Variants in ZFR2 observed in about 807,000 individuals in gnomAD.
ZFR2 encodes zinc finger RNA binding protein 2.
A neutral mutation model predicts 105.7 loss-of-function variants in ZFR2; 104 were observed. That is an observed-to-expected ratio of 0.98 (90% CI 0.84 to 1.16). The LOEUF (loss-of-function observed/expected upper bound fraction) is 1.16, where lower values mean the gene tolerates loss of function less well. Among genes scored for constraint, ZFR2 ranks in the 50% most tolerant of loss-of-function variants. The pLI is 0.00. For missense variants in ZFR2, 1,425 were observed against 1,355.5 expected, an observed-to-expected ratio of 1.05 and a Z score of -0.80; for synonymous variants, 634 against 597.7, an observed-to-expected ratio of 1.06 and a Z score of -0.89.
intron 1 of ZFR2, among the ~76,000 whole-genome samples, chr19:3,868,159 C>G (rs1290822430): frequency 6.6e-6 from 1 of 150,828 alleles, no homozygotes; most frequent in Non-Finnish European, 1.5e-5. Flanking sequence ...TAGCTCTCCC[C>G]CTGTCCAGCC....
At chr19:3,865,750 G>A (rs1309537904) in intron 1 of ZFR2, among the ~76,000 whole-genome samples, 2 of 152,194 alleles carry the variant, frequency 1.3e-5, no homozygotes, top group Admixed American at 1.3e-4. Context: ...AACAGGTGTT[G>A]TAAATACTGC....
chr19:3,846,268 C>T (rs536496788), intron 1 of ZFR2, among the ~76,000 whole-genome samples: 1 of 152,254 alleles, frequency 6.6e-6, no homozygotes, highest in African/African-American at 2.4e-5. Flanking sequence ...TGAGCCACTG[C>T]ACCTGGCCCA....
chr19:3,816,723 G>C lies in ZFR2; in HGVS notation c.2054C>G (p.Thr685Arg). The change falls in exon 13 of 19, where the codon ACG becomes AGG. Residue 685 changes from threonine to arginine, a missense_variant. Thr to Arg is a moderately conservative substitution (Grantham distance 71). Transcript: ENST00000262961. ...GGCGATCCTCCGCAGCAGGCTGTGC[G>C]TGGGCTTCTCGGAGCAGAGCAGAGC... ...RLALLCSEKP[T>R]HSLLRRIAQQ... 8 of 1,612,500 alleles carry C rather than the reference G, an allele frequency of 5.0e-6. No individual in the cohort carries two copies. The highest frequency in any genetic ancestry group is 6.8e-6 in the Non-Finnish European group (8 of 1,179,658).
intron 13 of ZFR2, 137 bp downstream of exon 13, chr19:3,816,537 C>A (rs971520943): frequency 3.0e-6 from 4 of 1,339,368 alleles, no homozygotes; most frequent in Non-Finnish European, 3.9e-6. Flanking sequence ...TGAGCCACTG[C>A]GCCTGGCTTA....
rs192868602 is a variant in ZFR2 at position 3,833,874 on chromosome 19, A to G, written c.265-96T>C. On this transcript the variant is annotated intron_variant, in intron 2 of 18. Transcript: ENST00000262961. Reference sequence around the variant, plus strand: ...CCCTGCCACACTGCACTCTGCACTTAGTCCTTCCTGCAGCGCTGGCTCCTA... The same window carrying G: ...CCCTGCCACACTGCACTCTGCACTTGGTCCTTCCTGCAGCGCTGGCTCCTA... 4.5e-4 allele frequency: 418 copies of G among 937,818 alleles called. 8 individuals carry two copies. In the East Asian group the frequency reaches 6.6e-3, roughly 15 times the overall value. The allele number at this position is 937,818 out of a possible 1,614,324, so 58.1% of individuals were successfully genotyped here. A position where few individuals can be genotyped will look rare whatever the true frequency, so the allele number is the denominator to read the frequency against.
chr19:3,806,560 G>A (rs558440754), intron 18 of ZFR2, among the ~76,000 whole-genome samples: 7 of 152,280 alleles, frequency 4.6e-5, no homozygotes, highest in African/African-American at 1.7e-4. Flanking sequence ...CGGCCCGGCC[G>A]ACACCGCTTC....
intron 8 of ZFR2, among the ~76,000 whole-genome samples, chr19:3,822,817 G>GCTGGCAGACCTGGCC (rs913918643): frequency 6.6e-6 from 1 of 152,212 alleles, no homozygotes; most frequent in African/African-American, 2.4e-5. Context: ...TGGCCTGGGA[G>GCTGGCAGACCTGGCC]CTGGCAGACC....
At position 3,836,355 on chromosome 19, in the gene ZFR2, C is replaced by T. The variant is rs556117901; in HGVS notation, c.54-1372G>A. On this transcript the variant is annotated intron_variant, in intron 1 of 18. Coordinates refer to ENST00000262961, the MANE Select transcript of ZFR2 (RefSeq NM_015174.2). ...AAAATTTGTTTTTGAGAAAGGGTCT[C>T]GCTCTGTCACCCAGGTTGAAGTTCA... Among the ~76,000 whole-genome samples the T allele has an allele frequency of 7.9e-5, 12 of 152,234 alleles. No homozygotes were observed. The South Asian group carries it at 2.5e-3, about 32-fold the overall frequency.
At chr19:3,867,088 G>GA (rs1295776428) in intron 1 of ZFR2, among the ~76,000 whole-genome samples, 1 of 152,170 alleles carries the variant, frequency 6.6e-6, no homozygotes, top group Non-Finnish European at 1.5e-5. Context: ...GCGGGAAGCT[G>GA]AAACACCAGC....
intron 16 of ZFR2, among the ~76,000 whole-genome samples, chr19:3,810,181 C>T (rs560438151): frequency 4.5e-4 from 68 of 152,142 alleles, no homozygotes; most frequent in Non-Finnish European, 8.8e-4. Context: ...GGGGGGAGGC[C>T]GGGTGTGGAT....
At chr19:3,845,666 G>T (rs537152658) in intron 1 of ZFR2, among the ~76,000 whole-genome samples, 1 of 151,338 alleles carries the variant, frequency 6.6e-6, no homozygotes, top group Non-Finnish European at 1.5e-5. Context: ...GTGGTGGTGT[G>T]CACCTGTAGT....
chr19:3,813,568 T>C lies in ZFR2; in HGVS notation c.2242+252A>G, dbSNP rs1295083038. On this transcript the variant is annotated intron_variant, in intron 14 of 18. Transcript: ENST00000262961. This position sits in a 1 kb window ranked among gnomAD's most constrained non-coding sequence, Gnocchi z 4.4. ...GGCAAGGGAGGTGACACGGTGTCGCTTGCCCGAGCAAGGCCCCTGCAGCCA... is the reference window on the plus strand; with the variant it reads ...GGCAAGGGAGGTGACACGGTGTCGCCTGCCCGAGCAAGGCCCCTGCAGCCA... 1.3e-5 allele frequency among the ~76,000 whole-genome samples: 2 copies of C among 152,170 alleles called. No homozygotes were observed. Among genetic ancestry groups the C allele is most frequent in the Non-Finnish European group, 2.9e-5 (2 of 68,028 alleles).
chr19:3,852,571 G>A, intron 1 of ZFR2: 1 of 718,640 alleles, frequency 1.4e-6, no homozygotes, highest in Non-Finnish European at 2.6e-6. Context: ...AGGGCACAAG[G>A]AAGCCCAGAT....
At chr19:3,867,101 G>C (rs1203392089) in intron 1 of ZFR2, among the ~76,000 whole-genome samples, 1 of 152,022 alleles carries the variant, frequency 6.6e-6, no homozygotes, top group African/African-American at 2.4e-5. Context: ...ACACCAGCCT[G>C]GATCTCTCTT....
intron 13 of ZFR2, among the ~76,000 whole-genome samples, chr19:3,815,946 G>A (rs1371024862): frequency 4.0e-5 from 6 of 151,592 alleles, no homozygotes; most frequent in Non-Finnish European, 5.9e-5. Flanking sequence ...TAGTAGAGAC[G>A]GGGTTTCACC....
Position 3,813,774 on chromosome 19 carries a change from G to T in ZFR2, c.2242+46C>A. 6.2e-7 allele frequency: 1 copy of T among 1,606,976 alleles called. No individual in the cohort carries two copies. Among genetic ancestry groups the T allele is most frequent in the Admixed American group, 1.7e-5 (1 of 59,662 alleles). On this transcript the variant is annotated intron_variant, in intron 14 of 18. Coordinates refer to ENST00000262961, the MANE Select transcript of ZFR2 (RefSeq NM_015174.2). The surrounding 1 kb of genome is among the most constrained non-coding windows in gnomAD (Gnocchi z 4.4). ...GGCCTGGGTGTGGGGAGCGCCCTGG[G>T]GAAGCGTGAGGGGGACAGTGGTTGG...
At chr19:3,832,762 G>T (rs1385676701) in intron 3 of ZFR2, among the ~76,000 whole-genome samples, 1 of 151,672 alleles carries the variant, frequency 6.6e-6, no homozygotes, top group Non-Finnish European at 1.5e-5. Context: ...CAGCCTCCTG[G>T]GTAGCTGGGA....
In ZFR2 at chr19:3,807,235, GTC is replaced by G. The variant is rs1212115843; in HGVS notation, c.2578_2579del (p.Asp860ProfsTer119). The G allele has an allele frequency of 6.4e-7, 1 of 1,561,632 alleles. No individual in the cohort carries two copies. Among genetic ancestry groups the G allele is most frequent in the Non-Finnish European group, 8.7e-7 (1 of 1,152,256 alleles). ...GPGLQDPCER[D>X]QTDALEPMTL... The stretch of plus-strand genomic sequence containing the variant: ...TCATGGGCTCGAGGGCATCTGTCTG[GTC>G]TCTCTCGCAGGGATCCTGGAGCCCG... On this transcript the variant is annotated frameshift_variant, in exon 18 of 19. Transcript: ENST00000262961. LOFTEE classifies it high-confidence loss of function.
At chr19:3,832,051 C>T (rs2038022870) in intron 3 of ZFR2, among the ~76,000 whole-genome samples, 173 bp from the exon 4 acceptor site, 1 of 152,122 alleles carries the variant, frequency 6.6e-6, no homozygotes, top group Admixed American at 6.5e-5. Context: ...TTGTGCCCAC[C>T]TCTCCTTTCC....
Sources: allele counts gnomAD v4.1 joint callset (sites outside exome capture counted in the v4.1 genomes callset), GRCh38; gene constraint gnomAD v4.1.1; non-coding constraint Gnocchi (gnomAD v3.1); transcripts MANE v1.5; gene names NCBI Gene and HGNC (gene_info 2026-07-23, HGNC 2026-07-21).